Variants in TTC33 observed in about 807,000 individuals in gnomAD.
TTC33 encodes tetratricopeptide repeat protein 33.
In TTC33, 24 loss-of-function variants were observed where a neutral mutation model predicts 29.4. The observed-to-expected ratio is 0.82, with a 90% CI of 0.59 to 1.15. The LOEUF (loss-of-function observed/expected upper bound fraction) is 1.15, where lower values mean the gene tolerates loss of function less well. TTC33 is among the 50% of genes most tolerant of loss of function. The pLI is 0.00. For missense variants in TTC33, 286 were observed against 310.4 expected (o/e 0.92, Z 0.59); for synonymous variants, 107 against 100.3 (o/e 1.07, Z -0.40).
chr5:40,715,491 T>C lies in TTC33; in HGVS notation c.*654A>G. On this transcript the variant is annotated 3_prime_UTR_variant, in exon 5 of 5. Coordinates refer to ENST00000337702, the MANE Select transcript of TTC33 (RefSeq NM_012382.3). The stretch of plus-strand genomic sequence containing the variant: ...CATATTTATCAATACTTTACACTTT[T>C]ACCAAATACTGAAGGAGACAACTAT... 1 of 152,430 alleles carries C rather than the reference T, an allele frequency of 6.6e-6. No homozygotes were observed. Among genetic ancestry groups the C allele is most frequent in the Admixed American group, 6.5e-5 (1 of 15,292 alleles). 9.4% of individuals were successfully genotyped at this position (152,430 alleles called of 1,614,324 possible).
intron 1 of TTC33, among the ~76,000 whole-genome samples, chr5:40,753,347 C>G (rs1002562359): frequency 6.7e-6 from 1 of 149,342 alleles, no homozygotes. Flanking sequence ...CTGAGCGACA[C>G]GAGCAAAACT....
At chr5:40,731,335 T>A (rs561022678) in intron 2 of TTC33, among the ~76,000 whole-genome samples, 1 of 150,624 alleles carries the variant, frequency 6.6e-6, no homozygotes, top group Admixed American at 6.7e-5. Context: ...CCACATATCA[T>A]GCCTTTGTTA....
intron 2 of TTC33, among the ~76,000 whole-genome samples, chr5:40,743,718 G>C (rs901534453): frequency 1.3e-5 from 2 of 152,122 alleles, no homozygotes; most frequent in Non-Finnish European, 2.9e-5. Context: ...AGGTTGCAGT[G>C]AGCCAAGATC....
intron 3 of TTC33, 112 bp downstream of exon 3, chr5:40,730,150 C>G: frequency 1.3e-6 from 1 of 772,212 alleles, no homozygotes; most frequent in Non-Finnish European, 2.1e-6. Flanking sequence ...CCAAAGAAAC[C>G]GTATTTGTAA....
rs755809779 is a variant in TTC33, at chr5:40,715,745, T to C, written c.*400A>G. 1.9e-5 allele frequency: 3 copies of C among 159,420 alleles called. No homozygotes were observed. Among genetic ancestry groups the C allele is most frequent in the African/African-American group, 7.2e-5 (3 of 41,732 alleles). 9.9% of individuals were successfully genotyped at this position (159,420 alleles called of 1,614,324 possible). Reference sequence around the variant, plus strand: ...AAGACAGCAAATATTAAGCGCAGTATATTTCTCAGAGGGAGGGAAATCACA... The same window carrying C: ...AAGACAGCAAATATTAAGCGCAGTACATTTCTCAGAGGGAGGGAAATCACA... On this transcript the variant is annotated 3_prime_UTR_variant, in exon 5 of 5. Transcript: ENST00000337702.
Position 40,738,444 on chromosome 5 carries a change from A to AAATACAATACAATAC in TTC33, c.222-8116_222-8102dup, listed in dbSNP as rs140651944. ...ATAAAATAAAATAAAATATAAAATAAAATACAATACAATACAATACAATAC... is the reference window on the plus strand; with the variant it reads ...ATAAAATAAAATAAAATATAAAATAAAATACAATACAATACAATACAATACAATACAATACAATAC... On this transcript the variant is annotated intron_variant, in intron 2 of 4. Coordinates refer to ENST00000337702, the MANE Select transcript of TTC33 (RefSeq NM_012382.3). 8.6e-4 allele frequency among the ~76,000 whole-genome samples: 72 copies of AAATACAATACAATAC among 83,662 alleles called. 1 individual carries two copies. The highest frequency in any genetic ancestry group is 1.3e-3 in the East Asian group (3 of 2,376). The allele number at this position is 83,662 out of a possible 152,430, so 54.9% of individuals were successfully genotyped here.
chr5:40,728,235 G>T (rs1387369814), intron 4 of TTC33, 110 bp downstream of exon 4: 2 of 869,114 alleles, frequency 2.3e-6, no homozygotes, highest in East Asian at 3.2e-5. Context: ...CGTGAGCTGA[G>T]ATTGCACCAC....
chr5:40,722,478 G>A (rs1048681672), intron 4 of TTC33, among the ~76,000 whole-genome samples: 7 of 148,410 alleles, frequency 4.7e-5, no homozygotes, highest in African/African-American at 1.2e-4. Context: ...TCTGCCTGGC[G>A]GCCCATCGTC....
At chr5:40,742,959 G>T (rs10071679) in intron 2 of TTC33, among the ~76,000 whole-genome samples, 1 of 151,946 alleles carries the variant, frequency 6.6e-6, no homozygotes, top group Non-Finnish European at 1.5e-5. Flanking sequence ...TTTACTGAGG[G>T]CCTAGTAAGT....
chr5:40,745,851 TG>T (rs1742779544), intron 2 of TTC33, among the ~76,000 whole-genome samples: 2 of 151,966 alleles, frequency 1.3e-5, no homozygotes, highest in Admixed American at 1.3e-4. Context: ...CCTCCCACCT[TG>T]GCCTCCCAAA....
rs115334908 is a variant in TTC33, at chr5:40,735,651, G to T, written c.222-5308C>A. 1.9e-3 allele frequency among the ~76,000 whole-genome samples: 290 copies of T among 152,346 alleles called. 1 individual carries two copies. The highest frequency in any genetic ancestry group is 6.5e-3 in the African/African-American group (272 of 41,578). On this transcript the variant is annotated intron_variant, in intron 2 of 4. Transcript: ENST00000337702. The stretch of plus-strand genomic sequence containing the variant: ...AACAGCTCCACAAACACAGATGATT[G>T]TTGATCTGGAGAGCAAAAGGAAAGG...
rs138345798 is a variant in TTC33 at position 40,748,506 on chromosome 5, A to AT, written c.-1-1488dup. On this transcript the variant is annotated intron_variant, in intron 1 of 4. Transcript: ENST00000337702. Reference sequence around the variant, plus strand: ...CCACCGCACCTGGCAAATTATGGCTATTTTTTCTTTGGTGTGATAATGGTA... The same window carrying AT: ...CCACCGCACCTGGCAAATTATGGCTATTTTTTTCTTTGGTGTGATAATGGTA... Among the ~76,000 whole-genome samples the AT allele has an allele frequency of 1.1e-4, 17 of 152,210 alleles. No homozygotes were observed. The South Asian group carries it at 1.2e-3, about 11-fold the overall frequency.
At chr5:40,731,581 C>A (rs991182747) in intron 2 of TTC33, among the ~76,000 whole-genome samples, 3 of 152,200 alleles carry the variant, frequency 2.0e-5, no homozygotes, top group Non-Finnish European at 2.9e-5. Flanking sequence ...AACAGGGAAG[C>A]CCCTTATAAA....
In TTC33 at chr5:40,741,674, G is replaced by C. The variant is rs13159113; in HGVS notation, c.221+5124C>G. 2.3e-4 allele frequency among the ~76,000 whole-genome samples: 35 copies of C among 152,184 alleles called. 1 individual carries two copies. Among genetic ancestry groups the C allele is most frequent in the African/African-American group, 7.2e-4 (30 of 41,524 alleles). The stretch of plus-strand genomic sequence containing the variant: ...TCCTCTTCTGTGTGCCCATTCCCTG[G>C]AGACTACCTTCAGGTAGAAATTAAG... On this transcript the variant is annotated intron_variant, in intron 2 of 4. Transcript: ENST00000337702.
chr5:40,716,637 G>A, intron 4 of TTC33, 139 bp from the exon 5 acceptor site: 1 of 601,150 alleles, frequency 1.7e-6, no homozygotes, highest in East Asian at 2.8e-5. Flanking sequence ...CACAAAAGAT[G>A]GAAGCTACGG....
chr5:40,752,809 G>A (rs1286864783), intron 1 of TTC33, among the ~76,000 whole-genome samples: 4 of 152,298 alleles, frequency 2.6e-5, no homozygotes, highest in African/African-American at 4.8e-5. Flanking sequence ...CAAATAGCAC[G>A]AAAAGACTTG....
chr5:40,735,851 G>A (rs1286237111), intron 2 of TTC33, among the ~76,000 whole-genome samples: 2 of 152,130 alleles, frequency 1.3e-5, no homozygotes, highest in African/African-American at 2.4e-5. Flanking sequence ...CAACATGGAG[G>A]TCACTGATAA....
chr5:40,744,728 C>CTT (rs1348032592), intron 2 of TTC33, among the ~76,000 whole-genome samples: 4 of 152,168 alleles, frequency 2.6e-5, no homozygotes, highest in Admixed American at 2.6e-4. Context: ...TTATTCAAAT[C>CTT]AACAATTCTT....
chr5:40,728,221 T>A (rs2111891148), intron 4 of TTC33, 124 bp downstream of exon 4: 1 of 726,486 alleles, frequency 1.4e-6, no homozygotes, highest in Non-Finnish European at 2.0e-6. Flanking sequence ...GAGGCGGAGG[T>A]TGCCGTGAGC....
Sources: allele counts gnomAD v4.1 joint callset (sites outside exome capture counted in the v4.1 genomes callset), GRCh38; gene constraint gnomAD v4.1.1; transcripts MANE v1.5; gene names NCBI Gene and HGNC (gene_info 2026-07-23, HGNC 2026-07-21).